The following CDKAL1 variants were observed in gnomAD, a reference collection of about 807,000 sequenced individuals.
CDKAL1 encodes threonylcarbamoyladenosine tRNA methylthiotransferase.
A neutral mutation model predicts 68.2 loss-of-function variants in CDKAL1; 32 were observed. The ratio of observed to expected loss-of-function variants is 0.47; its 90% CI spans 0.35 to 0.63. CDKAL1 has a LOEUF of 0.63. Among genes scored for constraint, CDKAL1 ranks in the 30% least tolerant of loss-of-function variants. CDKAL1 has a pLI of 0.00. For synonymous variants in CDKAL1, 234 were observed against 244.3 expected (o/e 0.96, Z 0.39); for missense variants, 606 against 696.7 (o/e 0.87, Z 1.47).
intron 13 of CDKAL1, among the ~76,000 whole-genome samples, chr6:21,173,591 T>C (rs1777474293): frequency 6.6e-6 from 1 of 152,226 alleles, no homozygotes; most frequent in Non-Finnish European, 1.5e-5. Flanking sequence ...TACTTACTGA[T>C]TACCTACTGT....
At chr6:20,844,226 A>G (rs1328919984) in intron 8 of CDKAL1, among the ~76,000 whole-genome samples, 2 of 152,232 alleles carry the variant, frequency 1.3e-5, no homozygotes, top group African/African-American at 2.4e-5. Flanking sequence ...TATTTTAATT[A>G]AATAGCTTCA....
intron 9 of CDKAL1, 120 bp downstream of exon 9, chr6:20,846,298 A>G (rs1778372771): frequency 1.6e-6 from 1 of 619,270 alleles, no homozygotes; most frequent in South Asian, 2.1e-5. Context: ...TTACAAATAT[A>G]CGAACTTAAT....
chr6:21,110,700 G>A (rs560463173), intron 13 of CDKAL1, among the ~76,000 whole-genome samples: 40 of 152,162 alleles, frequency 2.6e-4, no homozygotes, highest in Middle Eastern at 3.4e-3. Flanking sequence ...GGCTTATGCC[G>A]GTAATCCCAG....
intron 13 of CDKAL1, among the ~76,000 whole-genome samples, chr6:21,179,189 A>G (rs1189596408): frequency 6.6e-6 from 1 of 152,236 alleles, no homozygotes; most frequent in Non-Finnish European, 1.5e-5. Context: ...AGAAAGTCCC[A>G]GGTTTTCAAA....
At chr6:20,638,174 C>T (rs1767989557) in intron 4 of CDKAL1, among the ~76,000 whole-genome samples, 1 of 152,162 alleles carries the variant, frequency 6.6e-6, no homozygotes, top group Non-Finnish European at 1.5e-5. Flanking sequence ...ATGAAGAGTA[C>T]TGTTTTCTCA....
chr6:21,035,026 G>A (rs1435144475), intron 11 of CDKAL1, among the ~76,000 whole-genome samples: 2 of 151,896 alleles, frequency 1.3e-5, no homozygotes, highest in South Asian at 2.1e-4. Flanking sequence ...TTTTTTCCTG[G>A]GGTCCATTTA....
intron 5 of CDKAL1, among the ~76,000 whole-genome samples, chr6:20,734,342 T>C (rs1403482926): frequency 2.6e-5 from 4 of 152,114 alleles, no homozygotes; most frequent in Non-Finnish European, 5.9e-5. Flanking sequence ...AAATTTATAT[T>C]GTTTTTATAT....
intron 11 of CDKAL1, among the ~76,000 whole-genome samples, chr6:21,046,880 G>A (rs538744307): frequency 6.6e-6 from 1 of 152,310 alleles, no homozygotes; most frequent in African/African-American, 2.4e-5. Flanking sequence ...GCAAGCAACT[G>A]TAACCTAGAA....
At chr6:20,738,379 G>C (rs1248219977) in intron 5 of CDKAL1, among the ~76,000 whole-genome samples, 1 of 151,768 alleles carries the variant, frequency 6.6e-6, no homozygotes, top group Non-Finnish European at 1.5e-5. Context: ...GCATACCCGA[G>C]TGAATAATGT....
intron 4 of CDKAL1, among the ~76,000 whole-genome samples, chr6:20,640,751 C>T (rs1393536837): frequency 6.6e-6 from 1 of 152,282 alleles, no homozygotes; most frequent in East Asian, 1.9e-4. Flanking sequence ...AATTCACAGT[C>T]TCTGGAGTCA....
Position 20,869,927 on chromosome 6 carries a change from G to A in CDKAL1, c.742+23749G>A, listed in dbSNP as rs76316570. Reference sequence around the variant, plus strand: ...ATAAGACGATCTAGCATCTGTGATTGTAGGTAACTGACATTAGTGATTTCA... The same window carrying A: ...ATAAGACGATCTAGCATCTGTGATTATAGGTAACTGACATTAGTGATTTCA... On this transcript the variant is annotated intron_variant, in intron 9 of 15. Coordinates refer to ENST00000274695, the MANE Select transcript of CDKAL1 (RefSeq NM_017774.3). Among the ~76,000 whole-genome samples, 602 of 152,244 alleles carry A rather than the reference G, an allele frequency of 4.0e-3. 8 individuals carry two copies. The highest frequency in any genetic ancestry group is 0.013 in the African/African-American group (554 of 41,552).
At chr6:20,948,253 G>A (rs1324390023) in intron 9 of CDKAL1, among the ~76,000 whole-genome samples, 1 of 151,884 alleles carries the variant, frequency 6.6e-6, no homozygotes, top group East Asian at 1.9e-4. Flanking sequence ...CTTAACTAAG[G>A]GAATCCTTTG....
intron 13 of CDKAL1, among the ~76,000 whole-genome samples, chr6:21,157,830 A>G (rs1170487542): frequency 6.6e-6 from 1 of 152,174 alleles, no homozygotes; most frequent in Non-Finnish European, 1.5e-5. Flanking sequence ...CTCACTCCAT[A>G]AGCAACATCC....
chr6:20,714,595 G>T (rs1206964193), intron 5 of CDKAL1, among the ~76,000 whole-genome samples: 2 of 151,586 alleles, frequency 1.3e-5, no homozygotes, highest in Non-Finnish European at 2.9e-5. Flanking sequence ...TTCCAATGTT[G>T]TCCAAACTGT....
intron 5 of CDKAL1, among the ~76,000 whole-genome samples, chr6:20,655,218 A>C (rs559136729): frequency 6.6e-6 from 1 of 152,304 alleles, no homozygotes; most frequent in South Asian, 2.1e-4. Flanking sequence ...AAACTTTAAA[A>C]ATTTTTTGTT....
At chr6:20,697,282 G>A (rs953603492) in intron 5 of CDKAL1, among the ~76,000 whole-genome samples, 8 of 152,126 alleles carry the variant, frequency 5.3e-5, no homozygotes, top group East Asian at 1.9e-4. Flanking sequence ...AATGCATAGA[G>A]CATCATTGTT....
At chr6:20,667,176 C>A (rs770656939) in intron 5 of CDKAL1, among the ~76,000 whole-genome samples, 7 of 152,148 alleles carry the variant, frequency 4.6e-5, no homozygotes, top group Non-Finnish European at 8.8e-5. Flanking sequence ...ATCTGGCCAG[C>A]CATTTTTATG....
intron 5 of CDKAL1, among the ~76,000 whole-genome samples, chr6:20,650,683 T>C (rs1026030639): frequency 6.6e-6 from 1 of 152,222 alleles, no homozygotes; most frequent in African/African-American, 2.4e-5. Flanking sequence ...TTTTGAAGTT[T>C]TGGGCTTTAC....
At chr6:21,031,360 A>G (rs1769278191) in intron 11 of CDKAL1, among the ~76,000 whole-genome samples, 1 of 151,566 alleles carries the variant, frequency 6.6e-6, no homozygotes, top group African/African-American at 2.4e-5. Flanking sequence ...CTCTGCTTTT[A>G]TTAAAGGGTT....
Sources: gnomAD v4.1 joint callset for allele counts (sites outside exome capture counted in the v4.1 genomes callset) on GRCh38, gnomAD v4.1.1 for gene constraint, MANE v1.5 for transcripts, NCBI Gene and HGNC (gene_info 2026-07-23, HGNC 2026-07-21) for gene names.